SLIT3: variants seen among roughly 807,000 people sequenced by gnomAD.
SLIT3 encodes slit guidance ligand 3.
A neutral mutation model predicts 184.0 loss-of-function variants in SLIT3; 68 were observed. The ratio of observed to expected loss-of-function variants is 0.37; its 90% CI spans 0.30 to 0.45. SLIT3 has a LOEUF of 0.45. Ranked by LOEUF, SLIT3 falls within the 20% of genes least tolerant of loss-of-function variation. The pLI is 1.00. For missense variants in SLIT3, 1,707 were observed against 2,026.0 expected (o/e 0.84, Z 3.02); for synonymous variants, 831 against 828.6 (o/e 1.00, Z -0.05).
intron 3 of SLIT3, among the ~76,000 whole-genome samples, chr5:169,203,990 T>A (rs1561736558): frequency 6.6e-6 from 1 of 151,888 alleles, no homozygotes; most frequent in Non-Finnish European, 1.5e-5. Context: ...AAGACCAAGA[T>A]AGAGAGATGT....
intron 4 of SLIT3, among the ~76,000 whole-genome samples, chr5:169,107,784 A>C (rs2113249084): frequency 1.3e-5 from 2 of 152,334 alleles, no homozygotes; most frequent in Middle Eastern, 6.8e-3. Flanking sequence ...TCCCACATAA[A>C]GGCCTTGGCC....
chr5:169,138,611 G>A (rs1028052268), intron 4 of SLIT3, among the ~76,000 whole-genome samples: 1 of 152,210 alleles, frequency 6.6e-6, no homozygotes, highest in Non-Finnish European at 1.5e-5. Context: ...AAATGCTTAT[G>A]TCAGAGCCTG....
chr5:169,285,398 T>C (rs1034485312), intron 1 of SLIT3, among the ~76,000 whole-genome samples: 2 of 152,216 alleles, frequency 1.3e-5, no homozygotes, highest in African/African-American at 4.8e-5. Context: ...GAACTTTTTG[T>C]CTACTTAAGA....
At chr5:168,856,809 G>GCGCGCGCGCGCA (rs1554149493) in intron 5 of SLIT3, among the ~76,000 whole-genome samples, 2 of 145,522 alleles carry the variant, frequency 1.4e-5, no homozygotes, top group Non-Finnish European at 3.1e-5. Flanking sequence ...GTGTGTGTGC[G>GCGCGCGCGCGCA]CGCGCGCGCA....
At chr5:168,755,389 A>ATTTCTTTCTTTCTTTCTTTTCTTTC in intron 16 of SLIT3, among the ~76,000 whole-genome samples, 1 of 133,774 alleles carries the variant, frequency 7.5e-6, no homozygotes, top group African/African-American at 2.6e-5. Context: ...CAGTGCCGCC[A>ATTTCTTTCTTTCTTTCTTTTCTTTC]TTTCTTTCTT....
intron 5 of SLIT3, among the ~76,000 whole-genome samples, chr5:168,845,885 C>CT (rs1339899060): frequency 1.3e-5 from 2 of 152,150 alleles, no homozygotes; most frequent in East Asian, 3.9e-4. Flanking sequence ...CTCCTAGACT[C>CT]TTTTAATCTT....
intron 3 of SLIT3, among the ~76,000 whole-genome samples, chr5:169,208,714 G>A (rs1764156886): frequency 6.6e-6 from 1 of 152,174 alleles, no homozygotes; most frequent in Non-Finnish European, 1.5e-5. Flanking sequence ...AGTGGTATTG[G>A]GAAAACTGGC....
intron 4 of SLIT3, among the ~76,000 whole-genome samples, chr5:169,064,961 A>C (rs1418944588): frequency 6.6e-6 from 1 of 152,200 alleles, no homozygotes; most frequent in African/African-American, 2.4e-5. Flanking sequence ...CCTTGACACA[A>C]AGAGTTCTGA....
chr5:169,062,496 T>C (rs1758207323), intron 4 of SLIT3, among the ~76,000 whole-genome samples: 1 of 152,220 alleles, frequency 6.6e-6, no homozygotes, highest in African/African-American at 2.4e-5. Flanking sequence ...TCTTCTCTGA[T>C]TTTATCTGTC....
chr5:169,141,169 A>C (rs1041077234), intron 4 of SLIT3, among the ~76,000 whole-genome samples: 1 of 152,174 alleles, frequency 6.6e-6, no homozygotes, highest in Non-Finnish European at 1.5e-5. Flanking sequence ...TCTCCCTCAA[A>C]ATAGAATAGA....
intron 4 of SLIT3, among the ~76,000 whole-genome samples, chr5:169,101,819 A>G (rs1281499283): frequency 1.3e-5 from 2 of 152,262 alleles, no homozygotes; most frequent in East Asian, 1.9e-4. Flanking sequence ...TGCTCTGCTT[A>G]GAGTGTCTTT....
At chr5:168,871,213 T>C (rs1158592533) in intron 5 of SLIT3, among the ~76,000 whole-genome samples, 2 of 152,230 alleles carry the variant, frequency 1.3e-5, no homozygotes, top group Non-Finnish European at 2.9e-5. Flanking sequence ...TCTTTTTTCT[T>C]ATGAAGACCC....
intron 4 of SLIT3, among the ~76,000 whole-genome samples, chr5:168,917,436 C>T (rs76717289): frequency 0.022 from 3,423 of 152,254 alleles, 127 homozygotes; most frequent in African/African-American, 0.077. Flanking sequence ...GAACTGGTCC[C>T]CTGACATAAA....
intron 1 of SLIT3, among the ~76,000 whole-genome samples, chr5:169,282,650 C>T (rs1249244194): frequency 2.0e-5 from 3 of 152,210 alleles, no homozygotes; most frequent in Admixed American, 1.3e-4. Context: ...TATATTGCAT[C>T]GTGGTTGTCA....
chr5:168,977,432 A>G (rs560757231), intron 4 of SLIT3, among the ~76,000 whole-genome samples: 34 of 152,290 alleles, frequency 2.2e-4, no homozygotes, highest in African/African-American at 6.5e-4. Flanking sequence ...ACATCCTCCT[A>G]TTACCTTTTG....
intron 8 of SLIT3, among the ~76,000 whole-genome samples, chr5:168,812,541 A>T (rs1468042294): frequency 1.3e-5 from 2 of 152,248 alleles, no homozygotes; most frequent in East Asian, 3.8e-4. Flanking sequence ...CAACAACAAA[A>T]AAACCTCACT....
Position 168,663,374 on chromosome 5 carries a change from G to A in SLIT3, c.*3080C>T, listed in dbSNP as rs1317596801. 6.6e-6 allele frequency: 1 copy of A among 152,236 alleles called. No homozygotes were observed. The highest frequency in any genetic ancestry group is 1.5e-5 in the Non-Finnish European group (1 of 68,096). 9.4% of individuals were successfully genotyped at this position (152,236 alleles called of 1,614,324 possible). The stretch of plus-strand genomic sequence containing the variant: ...TCCCAGGATCCTCTTCAAGAGCAGA[G>A]CTTCTAAGCTACCATAGACATTTGT... On this transcript the variant is annotated 3_prime_UTR_variant, in exon 36 of 36. Coordinates refer to ENST00000519560, the MANE Select transcript of SLIT3 (RefSeq NM_003062.4).
intron 1 of SLIT3, among the ~76,000 whole-genome samples, chr5:169,287,439 C>T (rs758356909): frequency 1.1e-4 from 17 of 152,152 alleles, no homozygotes; most frequent in Non-Finnish European, 2.2e-4. Context: ...TTGGCAGAGG[C>T]TTCCCATGGC....
chr5:168,851,092 G>C (rs1446162780), intron 5 of SLIT3, among the ~76,000 whole-genome samples: 1 of 152,122 alleles, frequency 6.6e-6, no homozygotes, highest in Admixed American at 6.5e-5. Flanking sequence ...GGGAGGCCGA[G>C]GCAGGGGGAT....
Sources: allele counts gnomAD v4.1 joint callset (sites outside exome capture counted in the v4.1 genomes callset), GRCh38; gene constraint gnomAD v4.1.1; transcripts MANE v1.5; gene names NCBI Gene and HGNC (gene_info 2026-07-23, HGNC 2026-07-21).